The following MARCHF1 variants were observed in gnomAD, a reference collection of about 807,000 sequenced individuals.
MARCHF1 encodes E3 ubiquitin-protein ligase MARCHF1.
Under a neutral mutation model 54.2 loss-of-function variants are expected in MARCHF1, and 40 were observed. The ratio of observed to expected loss-of-function variants is 0.74; its 90% CI spans 0.57 to 0.96. The LOEUF (loss-of-function observed/expected upper bound fraction) is 0.96, where lower values mean the gene tolerates loss of function less well. Ranked by LOEUF, MARCHF1 falls within the 40% of genes least tolerant of loss-of-function variation. The pLI is 0.00. For missense variants in MARCHF1, 586 were observed against 656.5 expected, an observed-to-expected ratio of 0.89 and a Z score of 1.17; for synonymous variants, 236 against 236.3, an observed-to-expected ratio of 1.00 and a Z score of 0.01.
intron 2 of MARCHF1, among the ~76,000 whole-genome samples, chr4:164,085,859 A>G (rs565824440): frequency 2.6e-5 from 4 of 151,984 alleles, no homozygotes; most frequent in Non-Finnish European, 5.9e-5. Context: ...CTGTATAGGC[A>G]TGAGATAAGA....
chr4:163,909,584 C>A (rs1751146191), intron 3 of MARCHF1, among the ~76,000 whole-genome samples: 1 of 152,160 alleles, frequency 6.6e-6, no homozygotes. Flanking sequence ...TGCTAAATCT[C>A]ATACTTTTTT....
At chr4:163,850,832 G>A (rs1749620573) in intron 4 of MARCHF1, among the ~76,000 whole-genome samples, 1 of 152,120 alleles carries the variant, frequency 6.6e-6, no homozygotes, top group Admixed American at 6.6e-5. Flanking sequence ...CGTTTGGCAG[G>A]GTATTACAAG....
chr4:164,140,478 C>G (rs1756505581), intron 1 of MARCHF1, among the ~76,000 whole-genome samples: 1 of 152,068 alleles, frequency 6.6e-6, no homozygotes, highest in Admixed American at 6.5e-5. Context: ...CCCTCACCCA[C>G]AGATTACCTA....
intron 5 of MARCHF1, among the ~76,000 whole-genome samples, chr4:163,616,349 A>G (rs1741509383): frequency 6.6e-6 from 1 of 152,144 alleles, no homozygotes; most frequent in Admixed American, 6.6e-5. Flanking sequence ...TTTGCAAACC[A>G]TACATCCAAT....
intron 5 of MARCHF1, among the ~76,000 whole-genome samples, chr4:163,636,044 AC>A (rs1404538095): frequency 4.6e-5 from 7 of 152,066 alleles, no homozygotes; most frequent in South Asian, 2.1e-4. Context: ...AAATTCAACA[AC>A]CCTTCATGCT....
Position 163,740,784 on chromosome 4 carries a change from G to C in MARCHF1, c.112-39921C>G, listed in dbSNP as rs867468350. Among the ~76,000 whole-genome samples, 4 of 151,930 alleles carry C rather than the reference G, an allele frequency of 2.6e-5. No individual in the cohort carries two copies. The South Asian group carries it at 6.2e-4, about 24-fold the overall frequency. On this transcript the variant is annotated intron_variant, in intron 4 of 9. Transcript: ENST00000514618. ...AATTTCATGTTAAGGTAATGCGTTT[G>C]AGTTGTTTTTACTGAGTAGGTGAAT...
chr4:164,075,846 C>A (rs543370041), intron 2 of MARCHF1, among the ~76,000 whole-genome samples: 1 of 152,104 alleles, frequency 6.6e-6, no homozygotes, highest in Non-Finnish European at 1.5e-5. Flanking sequence ...ATGGCATGAA[C>A]TGAACCTATC....
chr4:163,960,825 A>AC (rs1425963196), intron 3 of MARCHF1, among the ~76,000 whole-genome samples: 1 of 151,790 alleles, frequency 6.6e-6, no homozygotes. Flanking sequence ...AAAAAAAAAA[A>AC]AAACAGACTG....
At chr4:163,775,382 T>A (rs950693904) in intron 4 of MARCHF1, among the ~76,000 whole-genome samples, 1 of 152,210 alleles carries the variant, frequency 6.6e-6, no homozygotes, top group Non-Finnish European at 1.5e-5. Context: ...ATGTCTCTCC[T>A]TTCTCTCTGC....
chr4:163,543,022 A>T (rs1163800445), intron 9 of MARCHF1, among the ~76,000 whole-genome samples: 1 of 152,066 alleles, frequency 6.6e-6, no homozygotes, highest in Non-Finnish European at 1.5e-5. Context: ...AAGGGCCTGG[A>T]TATAGATTTG....
chr4:164,022,339 C>T (rs1035298691), intron 2 of MARCHF1, among the ~76,000 whole-genome samples: 1 of 152,138 alleles, frequency 6.6e-6, no homozygotes, highest in Non-Finnish European at 1.5e-5. Flanking sequence ...ATGAGACAGA[C>T]CAAAATATAG....
intron 9 of MARCHF1, among the ~76,000 whole-genome samples, chr4:163,536,105 T>C (rs1738522137): frequency 1.3e-5 from 2 of 152,206 alleles, no homozygotes; most frequent in Non-Finnish European, 2.9e-5. Flanking sequence ...AGAAAGGATT[T>C]GGAATATGAG....
intron 3 of MARCHF1, among the ~76,000 whole-genome samples, chr4:163,910,444 C>A (rs1212386448): frequency 6.6e-6 from 1 of 152,096 alleles, no homozygotes; most frequent in Non-Finnish European, 1.5e-5. Context: ...TATAATATGC[C>A]ATTCAAGTGA....
At chr4:164,004,708 C>T (rs186277582) in intron 2 of MARCHF1, among the ~76,000 whole-genome samples, 2 of 151,850 alleles carry the variant, frequency 1.3e-5, no homozygotes, top group East Asian at 1.9e-4. Context: ...AATCACCCCC[C>T]CCAACTGGAA....
chr4:163,910,457 CCA>C (rs1396425868), intron 3 of MARCHF1, among the ~76,000 whole-genome samples: 1 of 151,992 alleles, frequency 6.6e-6, no homozygotes, highest in African/African-American at 2.4e-5. Flanking sequence ...TCAAGTGACC[CCA>C]GTTTTTCTAA....
At chr4:163,872,256 G>A (rs78971739) in intron 3 of MARCHF1, among the ~76,000 whole-genome samples, 2,813 of 152,298 alleles carry the variant, frequency 0.018, 79 homozygotes, top group African/African-American at 0.064. Context: ...GTGAAACTAA[G>A]TAGATTGCCT....
At chr4:163,534,097 T>C (rs1439809202) in intron 9 of MARCHF1, among the ~76,000 whole-genome samples, 1 of 152,048 alleles carries the variant, frequency 6.6e-6, no homozygotes, top group Admixed American at 6.6e-5. Context: ...GCACATGCTA[T>C]TCCTCTGTTT....
intron 4 of MARCHF1, among the ~76,000 whole-genome samples, chr4:163,815,304 A>T (rs764417253): frequency 1.3e-5 from 2 of 152,236 alleles, no homozygotes; most frequent in African/African-American, 2.4e-5. Context: ...CAAATTTTTG[A>T]ACAAAATTTA....
At chr4:164,006,617 A>T (rs1010582123) in intron 2 of MARCHF1, among the ~76,000 whole-genome samples, 9 of 152,144 alleles carry the variant, frequency 5.9e-5, no homozygotes, top group African/African-American at 2.2e-4. Context: ...ATATCCAGAT[A>T]CCGGCAGTCC....
Sources: gnomAD v4.1 joint callset for allele counts (sites outside exome capture counted in the v4.1 genomes callset) on GRCh38, gnomAD v4.1.1 for gene constraint, MANE v1.5 for transcripts, NCBI Gene and HGNC (gene_info 2026-07-23, HGNC 2026-07-21) for gene names.